Variants in CSMD1 observed in about 807,000 individuals in gnomAD.
CSMD1 encodes the protein CUB and sushi domain-containing protein 1.
Under a neutral mutation model 417.5 loss-of-function variants are expected in CSMD1, and 213 were observed. That is an observed-to-expected ratio of 0.51 (90% confidence interval 0.46 to 0.57). The LOEUF (loss-of-function observed/expected upper bound fraction) is 0.57. Among genes scored for constraint, CSMD1 ranks in the 20% least tolerant of loss-of-function variants. The pLI is 0.00. For missense variants in CSMD1, 6,923 were observed against 4,529.7 expected (o/e 1.53, Z -15.17); for synonymous variants, 2,862 against 1,736.8 (o/e 1.65, Z -16.11).
intron 5 of CSMD1, among the ~76,000 whole-genome samples, chr8:3,980,084 A>T (rs1035414311): frequency 6.6e-6 from 1 of 151,948 alleles, no homozygotes; most frequent in Non-Finnish European, 1.5e-5. Flanking sequence ...TCTATTCCTA[A>T]TTGATTACTT....
At chr8:3,608,272 T>G (rs1035795558) in intron 8 of CSMD1, among the ~76,000 whole-genome samples, 1 of 151,676 alleles carries the variant, frequency 6.6e-6, no homozygotes, top group Admixed American at 6.6e-5. Flanking sequence ...ATATTGCAGC[T>G]CATGCAGAAT....
intron 33 of CSMD1, among the ~76,000 whole-genome samples, chr8:3,194,588 G>C (rs2129052259): frequency 6.6e-6 from 1 of 151,614 alleles, no homozygotes; most frequent in African/African-American, 2.4e-5. Context: ...CTCTCAAGAA[G>C]CTGAGACTAC....
chr8:4,444,563 G>C (rs146623206), intron 2 of CSMD1, among the ~76,000 whole-genome samples: 39 of 152,054 alleles, frequency 2.6e-4, no homozygotes, highest in Admixed American at 1.4e-3. Flanking sequence ...GGTTTTCTAA[G>C]AATTAAAGCA....
chr8:3,224,385 G>T (rs1301264311), intron 27 of CSMD1, among the ~76,000 whole-genome samples: 7 of 152,158 alleles, frequency 4.6e-5, no homozygotes, highest in Admixed American at 2.6e-4. Context: ...TATCCCAAAC[G>T]TCTAGGCGGT....
chr8:3,698,540 C>T (rs1175422754), intron 7 of CSMD1, among the ~76,000 whole-genome samples: 1 of 152,228 alleles, frequency 6.6e-6, no homozygotes, highest in African/African-American at 2.4e-5. Context: ...GCAGGCATGC[C>T]TGCTTCTGCA....
intron 54 of CSMD1, among the ~76,000 whole-genome samples, chr8:2,992,917 G>A (rs1164537866): frequency 6.6e-6 from 1 of 151,266 alleles, no homozygotes; most frequent in Non-Finnish European, 1.5e-5. Flanking sequence ...AATTTTTGTA[G>A]AGACTGAGTT....
chr8:4,173,567 A>C (rs893238802), intron 3 of CSMD1, among the ~76,000 whole-genome samples: 36 of 152,270 alleles, frequency 2.4e-4, no homozygotes, highest in African/African-American at 8.7e-4. Flanking sequence ...AAATTATCAA[A>C]TGATGTAACA....
chr8:4,260,559 G>T (rs12677270), intron 3 of CSMD1, among the ~76,000 whole-genome samples: 14,853 of 152,126 alleles, frequency 0.098, 1,031 homozygotes, highest in East Asian at 0.34. Context: ...GGATTTTATT[G>T]ACTCCTGGAG....
Position 3,877,783 on chromosome 8 carries a change from T to C in CSMD1, c.818+120120A>G, listed in dbSNP as rs191244414. 4.3e-4 allele frequency among the ~76,000 whole-genome samples: 65 copies of C among 152,342 alleles called. 1 individual carries two copies. The highest frequency in any genetic ancestry group is 3.6e-3 in the Admixed American group (55 of 15,296). ...ATGTAAATCTAGCGTTAGCATGGCA[T>C]GTTAAGTTAAATGGAACATTATCAT... is the stretch of plus-strand genomic sequence containing the variant. On this transcript the variant is annotated intron_variant, in intron 5 of 69. Transcript: ENST00000635120.
intron 5 of CSMD1, among the ~76,000 whole-genome samples, chr8:3,912,706 T>C (rs149503691): frequency 5.0e-4 from 76 of 152,180 alleles, no homozygotes; most frequent in African/African-American, 1.8e-3. Context: ...ATACGACAAC[T>C]GATGGGATGA....
intron 3 of CSMD1, among the ~76,000 whole-genome samples, chr8:4,100,839 G>A (rs568257175): frequency 6.6e-6 from 1 of 152,112 alleles, no homozygotes; most frequent in African/African-American, 2.4e-5. Context: ...AACTGTAAAA[G>A]CAAGAGCCTC....
chr8:4,866,644 G>A (rs1174068142), intron 1 of CSMD1, among the ~76,000 whole-genome samples: 1 of 151,584 alleles, frequency 6.6e-6, no homozygotes, highest in Non-Finnish European at 1.5e-5. Flanking sequence ...TTCATATGCT[G>A]GTTCTAATGC....
intron 21 of CSMD1, among the ~76,000 whole-genome samples, chr8:3,353,093 C>T (rs1808522113): frequency 1.3e-5 from 2 of 152,116 alleles, no homozygotes; most frequent in African/African-American, 4.8e-5. Context: ...TTTGTTAATA[C>T]ACAATATTGG....
intron 9 of CSMD1, among the ~76,000 whole-genome samples, chr8:3,578,634 C>A (rs1280792533): frequency 6.6e-6 from 1 of 152,146 alleles, no homozygotes; most frequent in Non-Finnish European, 1.5e-5. Flanking sequence ...AGTTTATCAC[C>A]TGCCTCTCTC....
intron 15 of CSMD1, among the ~76,000 whole-genome samples, chr8:3,403,093 C>A (rs918462691): frequency 3.3e-5 from 5 of 152,022 alleles, no homozygotes; most frequent in Non-Finnish European, 5.9e-5. Context: ...TTACATGTTT[C>A]TACTTTAATT....
intron 3 of CSMD1, among the ~76,000 whole-genome samples, chr8:4,270,078 A>T (rs976421061): frequency 1.3e-5 from 2 of 152,148 alleles, no homozygotes; most frequent in South Asian, 4.1e-4. Context: ...CTGAGGAGAG[A>T]AACATGATCA....
intron 5 of CSMD1, among the ~76,000 whole-genome samples, chr8:3,852,241 T>C (rs1803961417): frequency 6.6e-6 from 1 of 152,080 alleles, no homozygotes; most frequent in Non-Finnish European, 1.5e-5. Context: ...ATGCACCAGA[T>C]GTGGGGAGGT....
chr8:4,165,840 C>A (rs1028960072), intron 3 of CSMD1, among the ~76,000 whole-genome samples: 4 of 152,298 alleles, frequency 2.6e-5, no homozygotes, highest in East Asian at 1.9e-4. Context: ...AAACTAATTG[C>A]GTTTTTTGCC....
intron 3 of CSMD1, among the ~76,000 whole-genome samples, chr8:4,032,619 A>C (rs1478765346): frequency 6.6e-6 from 1 of 152,224 alleles, no homozygotes; most frequent in Non-Finnish European, 1.5e-5. Context: ...GAATTAAATA[A>C]TAAATTAGAA....
Sources: allele counts gnomAD v4.1 joint callset (sites outside exome capture counted in the v4.1 genomes callset), GRCh38; gene constraint gnomAD v4.1.1; transcripts MANE v1.5; gene names NCBI Gene and HGNC (gene_info 2026-07-23, HGNC 2026-07-21).